Variants in KDM6A observed in about 807,000 individuals in gnomAD.
The protein encoded by KDM6A is lysine demethylase 6A.
In KDM6A, 11 loss-of-function variants were observed where a neutral mutation model predicts 117.6. That is an observed-to-expected ratio of 0.09 (90% CI 0.06 to 0.15). The LOEUF is 0.15. KDM6A is among the 10% of genes least tolerant of loss of function. KDM6A has a pLI of 1.00. For synonymous variants in KDM6A, 384 were observed against 396.1 expected (o/e 0.97, Z 0.36); for missense variants, 799 against 1,077.3 (o/e 0.74, Z 3.62).
At chrX:44,940,753 C>T (rs2037260635) in intron 2 of KDM6A, among the ~76,000 whole-genome samples, 2 of 111,756 alleles carry the variant, frequency 1.8e-5, no homozygotes, top group South Asian at 3.7e-4. Flanking sequence ...AACATGTACT[C>T]GGCAAGGTAC....
chrX:44,931,782 G>A (rs935360559), intron 2 of KDM6A, among the ~76,000 whole-genome samples: 7 of 111,831 alleles, frequency 6.3e-5, no homozygotes, highest in East Asian at 2.8e-4. Context: ...GATCTGTTGC[G>A]TAACAATGAA....
intron 27 of KDM6A, among the ~76,000 whole-genome samples, chrX:45,095,565 A>G (rs951450126): frequency 8.9e-6 from 1 of 111,948 alleles, no homozygotes; most frequent in African/African-American, 3.2e-5. Flanking sequence ...TAATTGTTAT[A>G]TCCATATCAT....
intron 6 of KDM6A, among the ~76,000 whole-genome samples, chrX:45,028,205 A>G (rs6651642): frequency 0.22 from 24,408 of 111,455 alleles, 4,351 homozygotes; most frequent in African/African-American, 0.61. Flanking sequence ...ACAAATTAAC[A>G]TCATTTTTCA....
chrX:45,031,163 G>C (rs1483222232), intron 6 of KDM6A, among the ~76,000 whole-genome samples: 1 of 112,189 alleles, frequency 8.9e-6, no homozygotes, highest in Non-Finnish European at 1.9e-5. Context: ...GGTTTCCTCA[G>C]CCTGAAGTAA....
At chrX:44,945,657 G>A (rs1047446825) in intron 2 of KDM6A, among the ~76,000 whole-genome samples, 1 of 111,647 alleles carries the variant, frequency 9.0e-6, no homozygotes, top group African/African-American at 3.3e-5. Context: ...TGGTATTTTG[G>A]ATGGTCAAAT....
chrX:44,899,004 GGTGTGTGTGT>G (rs745714866), intron 2 of KDM6A, among the ~76,000 whole-genome samples: 1 of 79,655 alleles, frequency 1.3e-5, no homozygotes, highest in Admixed American at 1.3e-4. Context: ...GGAGAGGGAG[GGTGTGTGTGT>G]GTGTGTGTGT....
chrX:45,043,305 G>GA (rs1243296266), intron 8 of KDM6A, among the ~76,000 whole-genome samples: 3 of 108,969 alleles, frequency 2.8e-5, no homozygotes, highest in South Asian at 3.9e-4. Flanking sequence ...AAAAGGAAAC[G>GA]AAAAAAAAGG....
At chrX:44,927,867 A>G (rs1215040937) in intron 2 of KDM6A, among the ~76,000 whole-genome samples, 1 of 111,882 alleles carries the variant, frequency 8.9e-6, no homozygotes, top group Non-Finnish European at 1.9e-5. Context: ...GTGGTCATAC[A>G]CTATTGAGAA....
At chrX:45,104,501 T>C (rs909289382) in intron 27 of KDM6A, among the ~76,000 whole-genome samples, 2 of 112,461 alleles carry the variant, frequency 1.8e-5, no homozygotes, top group African/African-American at 6.5e-5. Flanking sequence ...CAGGTTATCA[T>C]TTAAGTCTTA....
chrX:44,949,672 G>T (rs2147095762), intron 2 of KDM6A, among the ~76,000 whole-genome samples: 1 of 111,919 alleles, frequency 8.9e-6, no homozygotes, highest in Non-Finnish European at 1.9e-5. Context: ...GCAACCTGAA[G>T]TGCTTGCTTT....
At chrX:44,888,438 T>C (rs2033076442) in intron 2 of KDM6A, among the ~76,000 whole-genome samples, 1 of 112,644 alleles carries the variant, frequency 8.9e-6, no homozygotes, top group Non-Finnish European at 1.9e-5. Flanking sequence ...AAAATGACTG[T>C]ATAGCACCAC....
intron 17 of KDM6A, 123 bp from the exon 18 acceptor site, chrX:45,069,456 T>A (rs918813011): frequency 7.6e-6 from 5 of 653,892 alleles, no homozygotes; most frequent in Non-Finnish European, 1.1e-5. Flanking sequence ...CTTTAGGACT[T>A]GGGTCAAATT....
chrX:44,879,628 C>G (rs988612396), intron 2 of KDM6A, among the ~76,000 whole-genome samples: 1 of 111,724 alleles, frequency 9.0e-6, no homozygotes, highest in Non-Finnish European at 1.9e-5. Context: ...ATTTCTTGCC[C>G]GTGTTGAACT....
chrX:44,977,191 G>C (rs946655334), intron 4 of KDM6A, among the ~76,000 whole-genome samples: 5 of 111,254 alleles, frequency 4.5e-5, no homozygotes, highest in African/African-American at 1.6e-4. Context: ...TTAATCAGGT[G>C]CTTCAGTGCT....
At position 45,046,981 on chromosome X, in the gene KDM6A, A is replaced by ATGG. The variant is rs375095336; in HGVS notation, c.655-4702_655-4700dup. The stretch of plus-strand genomic sequence containing the variant: ...GCAGTCTCTTTTATTGGTGGTGATG[A>ATGG]TGGTGGTGGTGGTGGTGGTGGTGGT... On this transcript the variant is annotated intron_variant, in intron 8 of 29. Coordinates refer to ENST00000611820, the MANE Select transcript of KDM6A (RefSeq NM_001291415.2). 8.2e-3 allele frequency among the ~76,000 whole-genome samples: 853 copies of ATGG among 103,408 alleles called. 9 individuals carry two copies. Among genetic ancestry groups the ATGG allele is most frequent in the African/African-American group, 0.026 (710 of 27,645 alleles). The allele number at this position is 103,408 out of a possible 115,157, so 89.8% of individuals were successfully genotyped here.
At chrX:45,089,172 A>G (rs776727287) in intron 25 of KDM6A, among the ~76,000 whole-genome samples, 1 of 112,109 alleles carries the variant, frequency 8.9e-6, no homozygotes, top group African/African-American at 3.2e-5. Context: ...TTTATGTGTT[A>G]CTTGAAAGTA....
At chrX:44,990,379 C>T (rs1236530942) in intron 4 of KDM6A, among the ~76,000 whole-genome samples, 1 of 109,720 alleles carries the variant, frequency 9.1e-6, no homozygotes, top group African/African-American at 3.3e-5. Flanking sequence ...TTTCTACTAA[C>T]AATACAAAAA....
intron 2 of KDM6A, among the ~76,000 whole-genome samples, chrX:44,912,790 T>C (rs763909436): frequency 1.6e-4 from 18 of 112,253 alleles, no homozygotes; most frequent in Non-Finnish European, 3.2e-4. Flanking sequence ...CTTCGTCTAC[T>C]TCTGATTGTC....
At chrX:45,056,616 A>G (rs896599671) in intron 10 of KDM6A, among the ~76,000 whole-genome samples, 3 of 111,805 alleles carry the variant, frequency 2.7e-5, no homozygotes, top group Non-Finnish European at 5.7e-5. Context: ...TGGGTTCATA[A>G]TCACAGATAA....
Sources: gnomAD v4.1 joint callset for allele counts (sites outside exome capture counted in the v4.1 genomes callset) on GRCh38, gnomAD v4.1.1 for gene constraint, MANE v1.5 for transcripts, NCBI Gene and HGNC (gene_info 2026-07-23, HGNC 2026-07-21) for gene names.